Variants in CACNA2D1 observed in about 807,000 individuals in gnomAD.
The protein encoded by CACNA2D1 is calcium voltage-gated channel auxiliary subunit alpha2delta 1.
Under a neutral mutation model 171.5 loss-of-function variants are expected in CACNA2D1, and 53 were observed. That is an observed-to-expected ratio of 0.31 (90% CI 0.25 to 0.39). The LOEUF (loss-of-function observed/expected upper bound fraction) is 0.39. Among genes scored for constraint, CACNA2D1 ranks in the 10% least tolerant of loss-of-function variants. CACNA2D1 has a pLI of 1.00. For missense variants in CACNA2D1, 903 were observed against 1,299.8 expected, an observed-to-expected ratio of 0.69 and a Z score of 4.69; for synonymous variants, 442 against 443.1, an observed-to-expected ratio of 1.00 and a Z score of 0.03.
chr7:82,269,956 G>A (rs1770000309), intron 3 of CACNA2D1, among the ~76,000 whole-genome samples: 1 of 152,022 alleles, frequency 6.6e-6, no homozygotes, highest in Non-Finnish European at 1.5e-5. Context: ...TTTCTATGTT[G>A]TAACAGCAAG....
At chr7:82,015,007 G>A (rs2130955495) in intron 12 of CACNA2D1, among the ~76,000 whole-genome samples, 1 of 152,138 alleles carries the variant, frequency 6.6e-6, no homozygotes, top group East Asian at 1.9e-4. Flanking sequence ...AGCTGAAATT[G>A]TGCCATTGCA....
chr7:82,326,584 A>G (rs1241323505), intron 3 of CACNA2D1, among the ~76,000 whole-genome samples: 1 of 152,216 alleles, frequency 6.6e-6, no homozygotes, highest in Non-Finnish European at 1.5e-5. Context: ...AATGCTACTG[A>G]TTAATTTGCC....
chr7:81,995,059 A>AG (rs927602503), intron 19 of CACNA2D1, 120 bp from the exon 20 acceptor site: 2 of 612,720 alleles, frequency 3.3e-6, no homozygotes, highest in Non-Finnish European at 3.0e-6. Context: ...AAATAAAAAT[A>AG]GGGGGTTAGT....
At chr7:82,328,261 CA>C (rs1021861571) in intron 3 of CACNA2D1, among the ~76,000 whole-genome samples, 8 of 152,166 alleles carry the variant, frequency 5.3e-5, no homozygotes, top group African/African-American at 1.7e-4. Context: ...GATTAATGGT[CA>C]AAATATGCAT....
At chr7:81,965,341 A>G (rs1562789062) in intron 32 of CACNA2D1, among the ~76,000 whole-genome samples, 1 of 151,950 alleles carries the variant, frequency 6.6e-6, no homozygotes, top group Non-Finnish European at 1.5e-5. Context: ...AAAGATTAAA[A>G]GTTCATGTCA....
intron 1 of CACNA2D1, among the ~76,000 whole-genome samples, chr7:82,364,070 C>A (rs12539662): frequency 0.15 from 22,135 of 151,682 alleles, 1,787 homozygotes; most frequent in South Asian, 0.27. Context: ...CCTGTCTCTA[C>A]GAAGAAAAAA....
intron 9 of CACNA2D1, among the ~76,000 whole-genome samples, chr7:82,062,524 C>T (rs367954894): frequency 2.0e-5 from 3 of 151,280 alleles, no homozygotes; most frequent in Non-Finnish European, 4.4e-5. Context: ...TTAATTTCTA[C>T]AATTATTTTT....
chr7:81,986,495 T>A (rs1336451588), intron 21 of CACNA2D1, among the ~76,000 whole-genome samples: 2 of 150,034 alleles, frequency 1.3e-5, no homozygotes, highest in African/African-American at 5.0e-5. Context: ...ATGGACAATA[T>A]AGAATAGGGA....
intron 3 of CACNA2D1, among the ~76,000 whole-genome samples, chr7:82,207,348 T>C (rs1800107240): frequency 6.6e-6 from 1 of 152,206 alleles, no homozygotes; most frequent in Admixed American, 6.5e-5. Flanking sequence ...TTCTGTAATA[T>C]GTCTTTTTCT....
chr7:82,005,508 A>T lies in CACNA2D1; in HGVS notation c.1516-11T>A. ...CCCATTGGGGCACAGCTGGAAAAGA[A>T]AAAAAAAAAAAAGCTTGGATATGCC... On this transcript the variant is annotated splice_polypyrimidine_tract_variant and intron_variant, in intron 17 of 38. Coordinates refer to ENST00000356860, the MANE Select transcript of CACNA2D1 (RefSeq NM_000722.4). 1 of 1,219,850 alleles carries T rather than the reference A, an allele frequency of 8.2e-7. No homozygotes were observed. The highest frequency in any genetic ancestry group is 1.1e-6 in the Non-Finnish European group (1 of 898,096). 75.6% of individuals were successfully genotyped at this position (1,219,850 alleles called of 1,614,324 possible). A position where few individuals can be genotyped will look rare whatever the true frequency, so the allele number is the denominator to read the frequency against.
rs1181285094 is a variant in CACNA2D1 at position 82,301,760 on chromosome 7, CACACACACACACAT to C, written c.294+33361_294+33374del. Among the ~76,000 whole-genome samples the C allele has an allele frequency of 8.1e-4, 121 of 149,600 alleles. No individual in the cohort carries two copies. The East Asian group carries it at 0.023, about 28-fold the overall frequency. ...ACACACACACACACACACACACACA[CACACACACACACAT>C]AGAGAGAGAGAGACAGAGGCTCTCC... On this transcript the variant is annotated intron_variant, in intron 3 of 38. Coordinates refer to ENST00000356860, the MANE Select transcript of CACNA2D1 (RefSeq NM_000722.4).
At chr7:82,107,775 GGTT>G (rs1437911328) in intron 6 of CACNA2D1, among the ~76,000 whole-genome samples, 3 of 151,712 alleles carry the variant, frequency 2.0e-5, no homozygotes, top group African/African-American at 7.3e-5. Flanking sequence ...GTAGAGGCAG[GGTT>G]TCACCATGTT....
chr7:82,146,755 G>T (rs993538998), intron 4 of CACNA2D1, among the ~76,000 whole-genome samples: 63 of 150,808 alleles, frequency 4.2e-4, no homozygotes, highest in Admixed American at 3.1e-3. Flanking sequence ...GGGAGGCCGA[G>T]GCGGGTAGAT....
chr7:81,993,787 A>ATT (rs1797784940), intron 20 of CACNA2D1, among the ~76,000 whole-genome samples: 1 of 152,138 alleles, frequency 6.6e-6, no homozygotes, highest in South Asian at 2.1e-4. Context: ...AAGACAGGAA[A>ATT]ATATAGTCTT....
intron 12 of CACNA2D1, chr7:82,028,793 T>C (rs1802282799): frequency 6.6e-6 from 1 of 151,834 alleles, no homozygotes; most frequent in East Asian, 1.9e-4. Flanking sequence ...TGGGCTGAAT[T>C]GCTACAATCT....
In CACNA2D1 at chr7:82,060,199, TA is replaced by T. The variant is rs1562981863; in HGVS notation, c.879+228del. Among the ~76,000 whole-genome samples the T allele has an allele frequency of 1.8e-4, 2 of 11,384 alleles. 1 individual carries two copies. The highest frequency in any genetic ancestry group is 9.8e-3 in the South Asian group (2 of 204). 7.5% of individuals were successfully genotyped at this position (11,384 alleles called of 152,430 possible). A position where few individuals can be genotyped will look rare whatever the true frequency, so the allele number is the denominator to read the frequency against. ...ATATAATATATATATATTATATATA[TA>T]TTATATATATAATATATATATAATA... On this transcript the variant is annotated intron_variant, in intron 10 of 38. Coordinates refer to ENST00000356860, the MANE Select transcript of CACNA2D1 (RefSeq NM_000722.4).
At chr7:82,362,744 T>A (rs144280775) in intron 1 of CACNA2D1, among the ~76,000 whole-genome samples, 1 of 152,308 alleles carries the variant, frequency 6.6e-6, no homozygotes, top group Non-Finnish European at 1.5e-5. Context: ...GAACTGAGAT[T>A]ATTTCTCCAA....
intron 5 of CACNA2D1, among the ~76,000 whole-genome samples, chr7:82,131,094 G>A (rs1365128495): frequency 1.3e-5 from 2 of 152,060 alleles, no homozygotes; most frequent in Non-Finnish European, 2.9e-5. Context: ...GAGCCACCGC[G>A]CCGGCCAGCT....
intron 18 of CACNA2D1, among the ~76,000 whole-genome samples, chr7:82,004,795 G>T (rs1336315123): frequency 6.6e-6 from 1 of 152,048 alleles, no homozygotes; most frequent in Non-Finnish European, 1.5e-5. Flanking sequence ...AGTTGTACAA[G>T]GTAATTTGTG....
Sources: allele counts gnomAD v4.1 joint callset (sites outside exome capture counted in the v4.1 genomes callset), GRCh38; gene constraint gnomAD v4.1.1; transcripts MANE v1.5; gene names NCBI Gene and HGNC (gene_info 2026-07-23, HGNC 2026-07-21).